CSMD3: variants seen among roughly 807,000 people sequenced by gnomAD.
CSMD3 encodes CUB and sushi domain-containing protein 3.
CSMD3 carries 177 observed loss-of-function variants against 435.2 expected under a neutral mutation model. That is an observed-to-expected ratio of 0.41 (90% confidence interval 0.36 to 0.46). CSMD3 has a LOEUF of 0.46. Among genes scored for constraint, CSMD3 ranks in the 20% least tolerant of loss-of-function variants. The pLI is 0.34. For missense variants in CSMD3, 4,265 were observed against 4,504.6 expected, an observed-to-expected ratio of 0.95 and a Z score of 1.52; for synonymous variants, 1,656 against 1,520.5, an observed-to-expected ratio of 1.09 and a Z score of -2.07.
chr8:112,501,117 T>G (rs1821906904), intron 30 of CSMD3, among the ~76,000 whole-genome samples: 1 of 151,898 alleles, frequency 6.6e-6, no homozygotes, highest in African/African-American at 2.4e-5. Context: ...TTTTTTTGCC[T>G]GTTAAACCTC....
chr8:113,055,791 C>T (rs975526267), intron 5 of CSMD3, among the ~76,000 whole-genome samples: 4 of 152,148 alleles, frequency 2.6e-5, no homozygotes, highest in Non-Finnish European at 5.9e-5. Context: ...ATCCTTACTT[C>T]TCCATAGTAG....
intron 23 of CSMD3, among the ~76,000 whole-genome samples, chr8:112,586,338 G>A (rs1226388711): frequency 2.0e-5 from 3 of 151,236 alleles, no homozygotes; most frequent in Non-Finnish European, 4.4e-5. Context: ...ACATTTAAAT[G>A]TGATTTTTGG....
At chr8:113,221,893 C>T (rs1295482412) in intron 3 of CSMD3, among the ~76,000 whole-genome samples, 1 of 151,212 alleles carries the variant, frequency 6.6e-6, no homozygotes, top group Non-Finnish European at 1.5e-5. Flanking sequence ...TTTATCTCCC[C>T]TTAGTAGAAC....
chr8:112,899,601 ATATATATATAT>A (rs1564081581), intron 10 of CSMD3, among the ~76,000 whole-genome samples: 2 of 10,666 alleles, frequency 1.9e-4, no homozygotes, highest in East Asian at 0.02. Context: ...TGTCTATTTT[ATATATATATAT>A]ATATATATAT....
chr8:112,535,372 CAAT>C (rs1825968658), intron 27 of CSMD3, among the ~76,000 whole-genome samples: 1 of 151,982 alleles, frequency 6.6e-6, no homozygotes, highest in South Asian at 2.1e-4. Flanking sequence ...TCTTATACAC[CAAT>C]AACAGACAAA....
intron 5 of CSMD3, among the ~76,000 whole-genome samples, chr8:113,041,866 A>G (rs2087634411): frequency 6.6e-6 from 1 of 152,118 alleles, no homozygotes; most frequent in African/African-American, 2.4e-5. Flanking sequence ...AGTCTGAGAT[A>G]TATTTTGCTT....
chr8:112,962,442 C>G (rs2084266310), intron 7 of CSMD3, among the ~76,000 whole-genome samples: 1 of 151,558 alleles, frequency 6.6e-6, no homozygotes, highest in African/African-American at 2.4e-5. Flanking sequence ...AAAACAGCAG[C>G]CAAAGTTAAT....
intron 5 of CSMD3, among the ~76,000 whole-genome samples, chr8:113,021,342 T>G (rs974310753): frequency 6.6e-6 from 1 of 152,226 alleles, no homozygotes; most frequent in Non-Finnish European, 1.5e-5. Context: ...AAAAACTATT[T>G]GGATTTGTTT....
chr8:113,070,602 C>A (rs572366945), intron 5 of CSMD3, among the ~76,000 whole-genome samples: 1 of 151,962 alleles, frequency 6.6e-6, no homozygotes, highest in South Asian at 2.1e-4. Flanking sequence ...ACCAACAACT[C>A]CCAATTTTTT....
intron 4 of CSMD3, among the ~76,000 whole-genome samples, chr8:113,127,071 A>G (rs1744030351): frequency 6.6e-6 from 1 of 152,010 alleles, no homozygotes; most frequent in Admixed American, 6.6e-5. Flanking sequence ...ACCACTTTAT[A>G]CTAATATATA....
chr8:112,581,719 C>G (rs1405716907), intron 23 of CSMD3, among the ~76,000 whole-genome samples: 4 of 152,030 alleles, frequency 2.6e-5, no homozygotes, highest in African/African-American at 9.7e-5. Flanking sequence ...TGTCTTATAG[C>G]ATGCGTTCTA....
chr8:112,897,391 T>C (rs1233432606), intron 10 of CSMD3, among the ~76,000 whole-genome samples: 1 of 151,280 alleles, frequency 6.6e-6, no homozygotes, highest in African/African-American at 2.4e-5. Context: ...ATTTTATTCA[T>C]CATTATAGGA....
chr8:112,610,357 T>C (rs1833161373), intron 22 of CSMD3, among the ~76,000 whole-genome samples: 1 of 151,884 alleles, frequency 6.6e-6, no homozygotes, highest in Non-Finnish European at 1.5e-5. Flanking sequence ...CCCACAATGT[T>C]AAGGAGCCTC....
chr8:112,914,456 G>A (rs1053264535), intron 10 of CSMD3, among the ~76,000 whole-genome samples: 2 of 151,434 alleles, frequency 1.3e-5, no homozygotes, highest in African/African-American at 4.8e-5. Context: ...TATTTGTTTG[G>A]GATGTTGACA....
intron 31 of CSMD3, among the ~76,000 whole-genome samples, chr8:112,486,265 GAT>G (rs929430424): frequency 2.6e-5 from 4 of 151,916 alleles, no homozygotes; most frequent in African/African-American, 9.7e-5. Context: ...TGGTTCTGGA[GAT>G]ATAAAAAGGT....
chr8:112,381,910 C>T, intron 37 of CSMD3, among the ~76,000 whole-genome samples: 1 of 152,210 alleles, frequency 6.6e-6, no homozygotes, highest in East Asian at 1.9e-4. Context: ...TCACACAGAG[C>T]TAGCACTTAG....
At chr8:112,600,589 C>T (rs1431809798) in intron 22 of CSMD3, among the ~76,000 whole-genome samples, 3 of 152,148 alleles carry the variant, frequency 2.0e-5, no homozygotes, top group African/African-American at 7.2e-5. Context: ...GTTTTCATGT[C>T]TTTTAGTCAA....
chr8:112,546,863 T>C (rs1586654713), intron 27 of CSMD3, among the ~76,000 whole-genome samples: 3 of 152,316 alleles, frequency 2.0e-5, no homozygotes, highest in African/African-American at 4.8e-5. Context: ...ATAAAAGTCA[T>C]GAGGCTGCCG....
chr8:113,326,363 T>G (rs1043813701), intron 1 of CSMD3, among the ~76,000 whole-genome samples: 4 of 152,040 alleles, frequency 2.6e-5, no homozygotes, highest in African/African-American at 9.7e-5. Flanking sequence ...ATTTCTAGTT[T>G]TTTTTCCTGA....
Sources: allele counts gnomAD v4.1 joint callset (sites outside exome capture counted in the v4.1 genomes callset), GRCh38; gene constraint gnomAD v4.1.1; transcripts MANE v1.5; gene names NCBI Gene and HGNC (gene_info 2026-07-23, HGNC 2026-07-21).